Variants in MAGI2 observed in about 807,000 individuals in gnomAD.
MAGI2 encodes membrane-associated guanylate kinase, WW and PDZ domain-containing protein 2.
A neutral mutation model predicts 133.3 loss-of-function variants in MAGI2; 35 were observed. The ratio of observed to expected loss-of-function variants is 0.26; its 90% CI spans 0.20 to 0.35. MAGI2 has a LOEUF of 0.35. MAGI2 is among the 10% of genes least tolerant of loss of function. MAGI2 has a pLI of 1.00. For synonymous variants in MAGI2, 729 were observed against 710.6 expected (o/e 1.03, Z -0.41); for missense variants, 1,636 against 1,863.4 (o/e 0.88, Z 2.25).
intron 2 of MAGI2, among the ~76,000 whole-genome samples, chr7:78,965,147 ACTTT>A (rs1410786152): frequency 2.6e-5 from 4 of 151,396 alleles, no homozygotes; most frequent in Non-Finnish European, 5.9e-5. Flanking sequence ...AAAAACAAGT[ACTTT>A]CTGTTAATCT....
intron 2 of MAGI2, among the ~76,000 whole-genome samples, chr7:78,841,173 T>C (rs1171056037): frequency 6.6e-6 from 1 of 152,084 alleles, no homozygotes; most frequent in African/African-American, 2.4e-5. Context: ...AGTTCCACAT[T>C]GCTTAGTCAT....
intron 1 of MAGI2, among the ~76,000 whole-genome samples, chr7:79,234,820 T>A (rs1363180728): frequency 5.9e-5 from 9 of 151,470 alleles, no homozygotes; most frequent in Non-Finnish European, 1.0e-4. Context: ...CATCCAGCTT[T>A]GTTCCGTTGC....
chr7:78,268,746 T>G, intron 9 of MAGI2, among the ~76,000 whole-genome samples: 1 of 152,180 alleles, frequency 6.6e-6, no homozygotes, highest in Admixed American at 6.5e-5. Flanking sequence ...CTAATTTACA[T>G]TTGACTGCTT....
chr7:79,095,519 T>C (rs2129542831), intron 1 of MAGI2, among the ~76,000 whole-genome samples: 1 of 152,318 alleles, frequency 6.6e-6, no homozygotes, highest in East Asian at 1.9e-4. Context: ...GTAAGAGACA[T>C]GTGACTCTTC....
At chr7:78,332,931 A>G (rs1376657789) in intron 9 of MAGI2, among the ~76,000 whole-genome samples, 1 of 152,216 alleles carries the variant, frequency 6.6e-6, no homozygotes, top group African/African-American at 2.4e-5. Flanking sequence ...AGATACTAGC[A>G]TTGGCCAGCT....
intron 2 of MAGI2, among the ~76,000 whole-genome samples, chr7:78,659,044 C>T (rs1290080438): frequency 6.6e-6 from 1 of 152,078 alleles, no homozygotes; most frequent in Non-Finnish European, 1.5e-5. Flanking sequence ...GTAATAACCC[C>T]AAACTAGAAA....
intron 6 of MAGI2, among the ~76,000 whole-genome samples, chr7:78,388,861 G>A (rs867803789): frequency 2.6e-5 from 4 of 152,032 alleles, no homozygotes; most frequent in South Asian, 2.1e-4. Flanking sequence ...GAATCACGTC[G>A]GTACTACAAA....
intron 1 of MAGI2, among the ~76,000 whole-genome samples, chr7:79,043,928 A>T (rs1489962272): frequency 6.6e-6 from 1 of 152,182 alleles, no homozygotes; most frequent in Non-Finnish European, 1.5e-5. Context: ...AATTGAATCA[A>T]TAATAAAAAG....
intron 6 of MAGI2, among the ~76,000 whole-genome samples, chr7:78,377,835 A>AAG (rs1392059349): frequency 6.6e-6 from 1 of 151,196 alleles, no homozygotes; most frequent in Non-Finnish European, 1.5e-5. Flanking sequence ...CTAAACAAAA[A>AAG]AAAAGAGCAG....
intron 1 of MAGI2, among the ~76,000 whole-genome samples, chr7:79,118,027 A>G (rs1315291114): frequency 1.8e-4 from 28 of 152,204 alleles, no homozygotes; most frequent in Non-Finnish European, 8.8e-5. Context: ...ACTGATGCCA[A>G]ATAAGGAAAC....
At chr7:78,519,655 C>G (rs1483560024) in intron 4 of MAGI2, among the ~76,000 whole-genome samples, 1 of 152,130 alleles carries the variant, frequency 6.6e-6, no homozygotes, top group African/African-American at 2.4e-5. Context: ...GGAAATTTGG[C>G]TTTCTAGATT....
chr7:78,392,208 AC>A (rs2151317969), intron 6 of MAGI2, among the ~76,000 whole-genome samples: 1 of 152,312 alleles, frequency 6.6e-6, no homozygotes, highest in East Asian at 1.9e-4. Flanking sequence ...TGCAGGTACG[AC>A]TAGTATACAT....
chr7:78,458,473 T>C (rs894624713), intron 6 of MAGI2, among the ~76,000 whole-genome samples: 7 of 152,240 alleles, frequency 4.6e-5, no homozygotes, highest in South Asian at 2.1e-4. Flanking sequence ...TATGTATTTG[T>C]TTTGATGTAT....
In MAGI2 at chr7:79,210,299, T is replaced by C. The variant is rs118134538; in HGVS notation, c.302-203093A>G. On this transcript the variant is annotated intron_variant, in intron 1 of 21. Coordinates refer to ENST00000354212, the MANE Select transcript of MAGI2 (RefSeq NM_012301.4). ...ATGATACATTATTTAATTATCCATA[T>C]ATGATAAAGCTTCTATAAATGTTGA... Among the ~76,000 whole-genome samples, 1,038 of 152,186 alleles carry C rather than the reference T, an allele frequency of 6.8e-3. 14 individuals carry two copies. Among genetic ancestry groups the C allele is most frequent in the Non-Finnish European group, 7.0e-3 (477 of 68,024 alleles).
intron 10 of MAGI2, among the ~76,000 whole-genome samples, chr7:78,226,320 TA>T (rs5885045): frequency 0.71 from 100,154 of 141,812 alleles, 36,136 homozygotes; most frequent in East Asian, 0.87. Flanking sequence ...TACAAATGTT[TA>T]AAAAAAAAAA....
At chr7:78,856,123 T>C (rs925184284) in intron 2 of MAGI2, among the ~76,000 whole-genome samples, 4 of 152,214 alleles carry the variant, frequency 2.6e-5, no homozygotes, top group Admixed American at 2.6e-4. Context: ...TGTAAATTTG[T>C]TTAAGTTCTT....
At chr7:78,757,747 T>G (rs1824099172) in intron 2 of MAGI2, among the ~76,000 whole-genome samples, 1 of 152,182 alleles carries the variant, frequency 6.6e-6, no homozygotes, top group Non-Finnish European at 1.5e-5. Flanking sequence ...TGCATATTCC[T>G]TCTTATCTCC....
chr7:79,032,281 C>T (rs74467805), intron 1 of MAGI2, among the ~76,000 whole-genome samples: 10,090 of 152,124 alleles, frequency 0.066, 476 homozygotes, highest in East Asian at 0.18. Flanking sequence ...CTTTGGAAGG[C>T]CAAGGCGGGC....
chr7:78,681,422 T>A (rs1815646834), intron 2 of MAGI2, among the ~76,000 whole-genome samples: 1 of 152,198 alleles, frequency 6.6e-6, no homozygotes, highest in African/African-American at 2.4e-5. Flanking sequence ...CAGCAGATTC[T>A]GTTTGCCATT....
Sources: allele counts gnomAD v4.1 joint callset (sites outside exome capture counted in the v4.1 genomes callset), GRCh38; gene constraint gnomAD v4.1.1; transcripts MANE v1.5; gene names NCBI Gene and HGNC (gene_info 2026-07-23, HGNC 2026-07-21).